Variants in FREM2 observed in about 807,000 individuals in gnomAD.
The protein encoded by FREM2 is FRAS1 related extracellular matrix 2, also known as FRAS1-related extracellular matrix protein 2.
Under a neutral mutation model 219.9 loss-of-function variants are expected in FREM2, and 119 were observed. The observed-to-expected ratio is 0.54, with a 90% CI of 0.47 to 0.63. The LOEUF is 0.63. FREM2 is among the 30% of genes least tolerant of loss of function. FREM2 has a pLI of 0.00. For synonymous variants in FREM2, 1,562 were observed against 1,522.8 expected (o/e 1.03, Z -0.60); for missense variants, 4,030 against 3,993.6 (o/e 1.01, Z -0.25).
rs114674141 is a variant in FREM2 at position 38,769,711 on chromosome 13, G to A, written c.5544G>A (p.Glu1848=). The change falls in exon 4 of 24, where the codon GAG becomes GAA. Residue 1848 remains glutamate, a synonymous_variant. Coordinates refer to ENST00000280481, the MANE Select transcript of FREM2 (RefSeq NM_207361.6). ...RVRILSDGEH[E]QSETFQVVLS... ...GGATCCTGAGTGATGGGGAGCATGA[G>A]CAGTCTGAAACCTTTCAGGTGGTAC... 402 of 1,614,138 alleles carry A rather than the reference G, an allele frequency of 2.5e-4. 1 individual carries two copies. In the African/African-American group the frequency reaches 5.1e-3, roughly 20 times the overall value.
intron 3 of FREM2, among the ~76,000 whole-genome samples, chr13:38,764,986 C>A (rs1305444151): frequency 6.6e-6 from 1 of 152,208 alleles, no homozygotes; most frequent in Admixed American, 6.5e-5. Context: ...TCTCAGCTCA[C>A]TGCAAGCTCC....
intron 12 of FREM2, among the ~76,000 whole-genome samples, chr13:38,857,175 A>G (rs1488601522): frequency 6.6e-6 from 1 of 152,184 alleles, no homozygotes; most frequent in East Asian, 1.9e-4. Context: ...TAGTCACTCA[A>G]ATTACTTCCA....
In FREM2 at chr13:38,689,309, T is replaced by C; in HGVS notation, c.1965T>C (p.Tyr655=). The C allele has an allele frequency of 3.1e-6, 5 of 1,614,112 alleles. No individual in the cohort carries two copies. The highest frequency in any genetic ancestry group is 4.2e-6 in the Non-Finnish European group (5 of 1,180,016). ...ACATAACAGAGGGCAGGCTGTTCTA[T>C]AGACACTCTGGGCCCCATAGTCCTG... The part of the protein sequence containing the change: ...QQDITEGRLF[Y]RHSGPHSPGP... The change falls in exon 1 of 24, where the codon TAT becomes TAC. Residue 655 remains tyrosine (Y), a synonymous_variant. Transcript: ENST00000280481.
At chr13:38,733,825 C>A (rs907435993) in intron 2 of FREM2, among the ~76,000 whole-genome samples, 1 of 152,098 alleles carries the variant, frequency 6.6e-6, no homozygotes, top group Non-Finnish European at 1.5e-5. Flanking sequence ...CTGTTTTAAA[C>A]AATTATTCAA....
intron 2 of FREM2, among the ~76,000 whole-genome samples, chr13:38,752,755 T>C (rs1872828907): frequency 6.6e-6 from 1 of 152,230 alleles, no homozygotes; most frequent in African/African-American, 2.4e-5. Flanking sequence ...GTGATGACAG[T>C]GTCTGTGTAT....
intron 2 of FREM2, among the ~76,000 whole-genome samples, chr13:38,761,047 G>T (rs1172185315): frequency 6.6e-6 from 1 of 152,140 alleles, no homozygotes; most frequent in African/African-American, 2.4e-5. Context: ...GAAAGGGTTA[G>T]AATCAAATCT....
At position 38,884,728 on chromosome 13, in the gene FREM2, G is replaced by A. The variant is rs865856400; in HGVS notation, c.*3941G>A. On this transcript the variant is annotated 3_prime_UTR_variant, in exon 24 of 24. Coordinates refer to ENST00000280481, the MANE Select transcript of FREM2 (RefSeq NM_207361.6). ...TCAGTTTACCAAGGTTCAGAAATACGTAATTTAGCAGGAAACTATAAATAC... is the reference window on the plus strand; with the variant it reads ...TCAGTTTACCAAGGTTCAGAAATACATAATTTAGCAGGAAACTATAAATAC... 12 of 152,016 alleles carry A rather than the reference G, an allele frequency of 7.9e-5. No individual in the cohort carries two copies. The highest frequency in any genetic ancestry group is 2.9e-4 in the African/African-American group (12 of 41,410). The allele number at this position is 152,016 out of a possible 1,614,324, so 9.4% of individuals were successfully genotyped here. A position where few individuals can be genotyped will look rare whatever the true frequency, so the allele number is the denominator to read the frequency against.
rs1176297894 is a variant in FREM2 at position 38,886,914 on chromosome 13, T to C, written c.*6127T>C. 6.6e-6 allele frequency: 1 copy of C among 152,200 alleles called. No homozygotes were observed. The highest frequency in any genetic ancestry group is 6.5e-5 in the Admixed American group (1 of 15,278). The allele number at this position is 152,200 out of a possible 1,614,324, so 9.4% of individuals were successfully genotyped here. On this transcript the variant is annotated 3_prime_UTR_variant, in exon 24 of 24. Transcript: ENST00000280481. ...TCGCATGAGAATTTTTCAAAAACTA[T>C]CAGGGTCTAGTTTTATCATACATTT...
chr13:38,776,500 T>C (rs1277619739), intron 4 of FREM2, among the ~76,000 whole-genome samples: 3 of 152,178 alleles, frequency 2.0e-5, no homozygotes, highest in African/African-American at 7.2e-5. Flanking sequence ...GAAATCAATT[T>C]TGCCTGTTGT....
At chr13:38,807,189 T>TTA (rs59551341) in intron 6 of FREM2, among the ~76,000 whole-genome samples, 826 of 45,258 alleles carry the variant, frequency 0.018, 17 homozygotes, top group South Asian at 0.052. Context: ...CTTGTCTCTG[T>TTA]TATATATATA....
At position 38,691,968 on chromosome 13, in the gene FREM2, GTTGTCAGTGAAAGTGAAAACAAGCTGA is replaced by G; in HGVS notation, c.4627_4653del (p.Val1543_Ile1551del). 1.9e-6 allele frequency: 3 copies of G among 1,614,190 alleles called. No individual in the cohort carries two copies. Among genetic ancestry groups the G allele is most frequent in the Non-Finnish European group, 2.5e-6 (3 of 1,180,038 alleles). ...GCCAGTGGTCACCATCCACAAGCTGGTTGTCAGTGAAAGTGAAAACAAGCTGATTACTCCTTTTGAGCTCACTGTCGA... is the reference window on the plus strand; with the variant it reads ...GCCAGTGGTCACCATCCACAAGCTGGTTACTCCTTTTGAGCTCACTGTCGA... On this transcript the variant is annotated inframe_deletion, in exon 1 of 24. Transcript: ENST00000280481.
At chr13:38,758,831 C>T (rs1873118882) in intron 2 of FREM2, among the ~76,000 whole-genome samples, 1 of 152,190 alleles carries the variant, frequency 6.6e-6, no homozygotes, top group Admixed American at 6.5e-5. Flanking sequence ...AATCACCGTC[C>T]TTGCTGTCTA....
chr13:38,853,312 C>T (rs537705962), intron 11 of FREM2, among the ~76,000 whole-genome samples: 7 of 143,934 alleles, frequency 4.9e-5, no homozygotes, highest in East Asian at 4.0e-4. Context: ...CGCAAAACTC[C>T]GTCTGAAAAA....
chr13:38,771,302 T>A (rs1233584870), intron 4 of FREM2, among the ~76,000 whole-genome samples: 4 of 152,218 alleles, frequency 2.6e-5, no homozygotes, highest in African/African-American at 9.6e-5. Context: ...TTTGCACATA[T>A]GCTTGAAAAA....
chr13:38,695,005 CAAA>C (rs1870046907), intron 1 of FREM2, among the ~76,000 whole-genome samples: 1 of 151,880 alleles, frequency 6.6e-6, no homozygotes, highest in African/African-American at 2.4e-5. Context: ...AACAAACAAA[CAAA>C]AAAATCTCAT....
rs1261157254 is a variant in FREM2 at position 38,831,776 on chromosome 13, A to T, written c.6020-14797A>T. On this transcript the variant is annotated intron_variant, in intron 6 of 23. Transcript: ENST00000280481. ...AGGTGTGCACCTCATGCCAGACTGA[A>T]TTTTTTTTTTTTTTGGTATTTTTAG... is the stretch of plus-strand genomic sequence containing the variant. Among the ~76,000 whole-genome samples, 6 of 142,352 alleles carry T rather than the reference A, an allele frequency of 4.2e-5. 1 individual carries two copies. Among genetic ancestry groups the T allele is most frequent in the African/African-American group, 1.5e-4 (6 of 38,830 alleles). The allele number at this position is 142,352 out of a possible 152,430, so 93.4% of individuals were successfully genotyped here.
intron 6 of FREM2, among the ~76,000 whole-genome samples, chr13:38,831,148 T>G (rs1196602783): frequency 6.6e-6 from 1 of 152,258 alleles, no homozygotes; most frequent in East Asian, 1.9e-4. Flanking sequence ...TCCTTCTTCT[T>G]CCTCATATAT....
intron 4 of FREM2, among the ~76,000 whole-genome samples, chr13:38,774,603 T>A (rs935991110): frequency 1.3e-5 from 2 of 152,190 alleles, no homozygotes; most frequent in African/African-American, 4.8e-5. Context: ...TGTCAGAAAT[T>A]AACACTATCT....
intron 6 of FREM2, among the ~76,000 whole-genome samples, chr13:38,845,581 A>G (rs1242076997): frequency 6.6e-6 from 1 of 152,204 alleles, no homozygotes. Flanking sequence ...GATATAATTT[A>G]TCTTTCTTAA....
Sources: allele counts gnomAD v4.1 joint callset (sites outside exome capture counted in the v4.1 genomes callset), GRCh38; gene constraint gnomAD v4.1.1; transcripts MANE v1.5; gene names NCBI Gene and HGNC (gene_info 2026-07-23, HGNC 2026-07-21).